The following CHCHD6 variants were observed in gnomAD, a reference collection of about 807,000 sequenced individuals.
CHCHD6 encodes the protein coiled-coil-helix-coiled-coil-helix domain containing 6.
In CHCHD6, 28 loss-of-function variants were observed where a neutral mutation model predicts 32.3. That is an observed-to-expected ratio of 0.87 (90% CI 0.64 to 1.19). The LOEUF is 1.19. Ranked by LOEUF, CHCHD6 falls within the 50% of genes most tolerant of loss-of-function variation. The pLI, the probability that CHCHD6 is intolerant of heterozygous loss-of-function variation, is 0.00. For missense variants in CHCHD6, 333 were observed against 307.0 expected, an observed-to-expected ratio of 1.08 and a Z score of -0.63; for synonymous variants, 122 against 117.5, an observed-to-expected ratio of 1.04 and a Z score of -0.25.
chr3:126,931,800 G>T (rs2078410574), intron 6 of CHCHD6, among the ~76,000 whole-genome samples: 2 of 152,132 alleles, frequency 1.3e-5, no homozygotes, highest in African/African-American at 2.4e-5. Flanking sequence ...CAGCTTACAG[G>T]CCCCTGGTGT....
At chr3:126,849,744 T>A (rs935559425) in intron 4 of CHCHD6, among the ~76,000 whole-genome samples, 1 of 152,230 alleles carries the variant, frequency 6.6e-6, no homozygotes, top group African/African-American at 2.4e-5. Flanking sequence ...CACACATTTG[T>A]GTCTCCCACT....
intron 6 of CHCHD6, among the ~76,000 whole-genome samples, chr3:126,918,791 C>G (rs997163784): frequency 6.6e-6 from 1 of 152,136 alleles, no homozygotes; most frequent in Admixed American, 6.5e-5. Context: ...TTAACTTGAT[C>G]CTAAGGGCAG....
intron 5 of CHCHD6, among the ~76,000 whole-genome samples, chr3:126,871,955 G>A (rs1056248317): frequency 2.0e-5 from 3 of 152,146 alleles, no homozygotes; most frequent in South Asian, 4.2e-4. Context: ...ATGAACCACC[G>A]TGCCTGGACT....
intron 4 of CHCHD6, among the ~76,000 whole-genome samples, chr3:126,793,679 T>C (rs906953877): frequency 6.6e-6 from 1 of 152,196 alleles, no homozygotes; most frequent in Non-Finnish European, 1.5e-5. Flanking sequence ...ATTCCAAACA[T>C]GTTCTCAGTT....
chr3:126,893,659 C>G (rs998762522), intron 5 of CHCHD6, among the ~76,000 whole-genome samples: 2 of 152,356 alleles, frequency 1.3e-5, no homozygotes, highest in Admixed American at 6.5e-5. Context: ...ACCCCCAGAG[C>G]CAGCAGGGCT....
At position 126,855,560 on chromosome 3, in the gene CHCHD6, T is replaced by C. The variant is rs371872909; in HGVS notation, c.495+2830T>C. On this transcript the variant is annotated intron_variant, in intron 5 of 7. Coordinates refer to ENST00000290913, the MANE Select transcript of CHCHD6 (RefSeq NM_032343.3). ...ACACATATATGCATGCTGAGATGGA[T>C]TTTTATCATTAAAGGTGGCCTGACC... Among the ~76,000 whole-genome samples, 20 of 152,266 alleles carry C rather than the reference T, an allele frequency of 1.3e-4. No individual in the cohort carries two copies. In the South Asian group the frequency reaches 4.1e-3, roughly 32 times the overall value.
At chr3:126,762,317 C>T (rs758424515) in intron 4 of CHCHD6, among the ~76,000 whole-genome samples, 6 of 152,092 alleles carry the variant, frequency 3.9e-5, no homozygotes, top group Non-Finnish European at 7.4e-5. Flanking sequence ...CCTTCTATCC[C>T]GTAAGTTTTG....
chr3:126,879,923 C>A (rs2077586944), intron 5 of CHCHD6, among the ~76,000 whole-genome samples: 1 of 152,138 alleles, frequency 6.6e-6, no homozygotes, highest in South Asian at 2.1e-4. Flanking sequence ...GGGCACTTAT[C>A]ATATTATTCT....
intron 5 of CHCHD6, among the ~76,000 whole-genome samples, chr3:126,900,995 C>T (rs2077918256): frequency 6.6e-6 from 1 of 152,054 alleles, no homozygotes; most frequent in African/African-American, 2.4e-5. Context: ...GATCCGCCCT[C>T]ATGATGCAAA....
chr3:126,806,905 G>A (rs914269556), intron 4 of CHCHD6, among the ~76,000 whole-genome samples: 1 of 151,916 alleles, frequency 6.6e-6, no homozygotes, highest in Non-Finnish European at 1.5e-5. Context: ...GTAGGGACAT[G>A]GATGAAACTG....
intron 4 of CHCHD6, among the ~76,000 whole-genome samples, chr3:126,778,345 G>T (rs944923221): frequency 6.6e-6 from 1 of 152,184 alleles, no homozygotes; most frequent in Non-Finnish European, 1.5e-5. Context: ...GGAATGTTGG[G>T]ACTGTTTTCC....
At chr3:126,934,544 T>TG (rs1411480436) in intron 6 of CHCHD6, among the ~76,000 whole-genome samples, 1 of 122,210 alleles carries the variant, frequency 8.2e-6, no homozygotes, top group East Asian at 2.3e-4. Context: ...TGCTTTTTTT[T>TG]TTTTTTTTTT....
intron 5 of CHCHD6, among the ~76,000 whole-genome samples, chr3:126,877,351 C>G (rs567946021): frequency 4.6e-5 from 7 of 152,042 alleles, no homozygotes; most frequent in Admixed American, 3.9e-4. Flanking sequence ...GTCAGGAGAT[C>G]GAGACTGTCC....
chr3:126,914,726 C>G lies in CHCHD6; in HGVS notation c.542C>G (p.Ala181Gly). Residue 181 changes from alanine (A) to glycine (G), a missense_variant, in exon 6 of 8, where the codon GCC becomes GGC. Ala to Gly is a moderately conservative substitution (Grantham distance 60). Transcript: ENST00000290913. ...TCTTCAGAGCAATTCCATGAGGCAGCCTCAAAGATGGAGAGCACAATAAAG... is the reference window on the plus strand; with the variant it reads ...TCTTCAGAGCAATTCCATGAGGCAGGCTCAAAGATGGAGAGCACAATAAAG... The part of the protein sequence containing the change: ...KLSSEQFHEA[A>G]SKMESTIKPR... The G allele has an allele frequency of 6.3e-7, 1 of 1,589,650 alleles. No homozygotes were observed. The highest frequency in any genetic ancestry group is 2.2e-5 in the East Asian group (1 of 44,772).
intron 6 of CHCHD6, among the ~76,000 whole-genome samples, chr3:126,919,024 T>G (rs2078207619): frequency 6.6e-6 from 1 of 152,190 alleles, no homozygotes. Flanking sequence ...TAGTTACATT[T>G]TTTATAATTG....
At chr3:126,742,373 G>C (rs1292936987) in intron 4 of CHCHD6, among the ~76,000 whole-genome samples, 1 of 152,198 alleles carries the variant, frequency 6.6e-6, no homozygotes, top group Non-Finnish European at 1.5e-5. Context: ...GGGCCCAATA[G>C]ACCTGTGGGC....
intron 2 of CHCHD6, among the ~76,000 whole-genome samples, chr3:126,728,464 A>T (rs971252518): frequency 3.9e-5 from 6 of 152,142 alleles, no homozygotes; most frequent in Non-Finnish European, 7.3e-5. Flanking sequence ...GCCAGTCAGC[A>T]CCTGGATTTG....
At chr3:126,841,509 A>C (rs114648788) in intron 4 of CHCHD6, among the ~76,000 whole-genome samples, 1,551 of 152,250 alleles carry the variant, frequency 0.01, 29 homozygotes, top group African/African-American at 0.035. Flanking sequence ...GGTTGTGAGG[A>C]ACATAATTTA....
intron 4 of CHCHD6, among the ~76,000 whole-genome samples, chr3:126,801,098 G>C (rs909793690): frequency 2.0e-5 from 3 of 152,234 alleles, no homozygotes; most frequent in Non-Finnish European, 4.4e-5. Flanking sequence ...TGGCCGAATA[G>C]GAACAGCTCC....
Sources: allele counts gnomAD v4.1 joint callset (sites outside exome capture counted in the v4.1 genomes callset), GRCh38; gene constraint gnomAD v4.1.1; transcripts MANE v1.5; gene names NCBI Gene and HGNC (gene_info 2026-07-23, HGNC 2026-07-21).